Variants in GZMB observed in about 807,000 individuals in gnomAD.
GZMB encodes T-cell serine protease 1-3E.
A neutral mutation model predicts 24.2 loss-of-function variants in GZMB; 27 were observed. The observed-to-expected ratio is 1.12, with a 90% CI of 0.82 to 1.54. The LOEUF (loss-of-function observed/expected upper bound fraction) is 1.54, where lower values mean the gene tolerates loss of function less well. Ranked by LOEUF, GZMB falls within the 40% of genes most tolerant of loss-of-function variation. The probability of loss-of-function intolerance (pLI) is 0.00; values close to 1 mark genes in which losing one functional copy is unlikely to be tolerated. For missense variants in GZMB, 336 were observed against 310.1 expected, an observed-to-expected ratio of 1.08 and a Z score of -0.63; for synonymous variants, 121 against 115.1, an observed-to-expected ratio of 1.05 and a Z score of -0.33.
chr14:24,633,961 T>C (rs1199787118), intron 1 of GZMB, 145 bp downstream of exon 1: 1 of 773,052 alleles, frequency 1.3e-6, no homozygotes, highest in Non-Finnish European at 2.3e-6. Flanking sequence ...TGATAGCTTA[T>C]CCAGCATCAC....
At chr14:24,632,819 T>C in intron 2 of GZMB, 96 bp downstream of exon 2, 3 of 1,247,480 alleles carry the variant, frequency 2.4e-6, no homozygotes, top group South Asian at 2.4e-5. Context: ...CCTCCTGGCA[T>C]GTGTGTTCAC....
rs768680523 is a variant in GZMB at position 24,631,535 on chromosome 14, G to T, written c.601-321C>A. On this transcript the variant is annotated intron_variant, in intron 4 of 4. Transcript: ENST00000216341. ...CATGGAGGACCAGCCCATTAACCACGTTGGGTACCAGCCTCTGAAGACACA... is the reference window on the plus strand; with the variant it reads ...CATGGAGGACCAGCCCATTAACCACTTTGGGTACCAGCCTCTGAAGACACA... 2.9e-5 allele frequency: 16 copies of T among 543,074 alleles called. No individual in the cohort carries two copies. In the Admixed American group the frequency reaches 4.9e-4, roughly 17 times the overall value. 33.6% of individuals were successfully genotyped at this position (543,074 alleles called of 1,614,324 possible). A position where few individuals can be genotyped will look rare whatever the true frequency, so the allele number is the denominator to read the frequency against.
rs921781109 is a variant in GZMB at position 24,633,154 on chromosome 14, G to A, written c.56-92C>T. On this transcript the variant is annotated intron_variant, in intron 1 of 4. Coordinates refer to ENST00000216341, the MANE Select transcript of GZMB (RefSeq NM_004131.6). ...CTCCAGAACTCCTGGGCATTTGGGA[G>A]CCTGGGATAGCCTGGAGTTGGGAGT... The A allele has an allele frequency of 1.1e-5, 17 of 1,493,868 alleles. No homozygotes were observed. In the African/African-American group the frequency reaches 1.4e-4, roughly 12 times the overall value. The allele number at this position is 1,493,868 out of a possible 1,614,324, so 92.5% of individuals were successfully genotyped here. A position where few individuals can be genotyped will look rare whatever the true frequency, so the allele number is the denominator to read the frequency against.
At chr14:24,631,282 C>T in intron 4 of GZMB, 68 bp from the exon 5 acceptor site, 1 of 1,464,868 alleles carries the variant, frequency 6.8e-7, no homozygotes, top group Non-Finnish European at 9.4e-7. Context: ...CCATCTCAAG[C>T]CCCCTTTTAG....
chr14:24,633,977 G>A (rs2067020368), intron 1 of GZMB, 129 bp downstream of exon 1: 1 of 829,668 alleles, frequency 1.2e-6, no homozygotes, highest in African/African-American at 1.7e-5. Flanking sequence ...ATCACACTTG[G>A]GGGGTCTTGG....
At chr14:24,632,604 A>T in intron 2 of GZMB, 145 bp from the exon 3 acceptor site, 1 of 1,320,646 alleles carries the variant, frequency 7.6e-7, no homozygotes, top group Non-Finnish European at 1.1e-6. Context: ...GAATTCTGGT[A>T]ATTGCACCAG....
Position 24,632,074 on chromosome 14 carries a change from CCT to C in GZMB, c.382_383del (p.Arg128AlafsTer3). 6.2e-7 allele frequency: 1 copy of C among 1,614,182 alleles called. No homozygotes were observed. Among genetic ancestry groups the C allele is most frequent in the East Asian group, 2.2e-5 (1 of 44,880 alleles). On this transcript the variant is annotated frameshift_variant, in exon 4 of 5. Transcript: ENST00000216341. LOFTEE classifies it high-confidence loss of function. ...TCACCTGGGCCTTGTTGCTAGGTAGCCTGAGGGGCTGCACAGCTCTGGTCCGC... is the reference window on the plus strand; with the variant it reads ...TCACCTGGGCCTTGTTGCTAGGTAGCGAGGGGCTGCACAGCTCTGGTCCGC... ...AKRTRAVQPLRLPSNKAQVKP... is the reference protein window; with the variant it reads ...AKRTRAVQPLXLPSNKAQVKP...
Position 24,634,177 on chromosome 14 carries a change from C to A in GZMB, c.-17G>T, listed in dbSNP as rs1269578862. On this transcript the variant is annotated 5_prime_UTR_variant, in exon 1 of 5. Coordinates refer to ENST00000216341, the MANE Select transcript of GZMB (RefSeq NM_004131.6). ...TGGTTGCATCTTCTCAGGAAGGCTG[C>A]CCTGGTTGGAGCTGCTGTTGTTTCC... 1 of 1,581,860 alleles carries A rather than the reference C, an allele frequency of 6.3e-7. No homozygotes were observed. The highest frequency in any genetic ancestry group is 8.6e-7 in the Non-Finnish European group (1 of 1,164,254).
chr14:24,631,281 GCCC>G, intron 4 of GZMB, 67 bp from the exon 5 acceptor site: 2 of 1,469,508 alleles, frequency 1.4e-6, no homozygotes, highest in South Asian at 2.4e-5. Context: ...TCCATCTCAA[GCCC>G]CCTTTTAGAA....
At chr14:24,632,290 C>G in intron 3 of GZMB, 34 bp downstream of exon 3, 1 of 1,589,970 alleles carries the variant, frequency 6.3e-7, no homozygotes, top group African/African-American at 1.4e-5. Flanking sequence ...CCAACTGGAC[C>G]AAGAAGAGCA....
rs2066993130 is a variant in GZMB, at chr14:24,631,360, G to C, written c.601-146C>G. On this transcript the variant is annotated intron_variant, in intron 4 of 4. Coordinates refer to ENST00000216341, the MANE Select transcript of GZMB (RefSeq NM_004131.6). ...CAGGGCAGGCCGCTGGTGGCCCCCA[G>C]CTGCCAAGCTCTGGCCCTGGACATT... 7.7e-6 allele frequency: 5 copies of C among 651,938 alleles called. 1 individual carries two copies. In the Admixed American group the frequency reaches 1.2e-4, roughly 15 times the overall value. 40.4% of individuals were successfully genotyped at this position (651,938 alleles called of 1,614,324 possible). A position where few individuals can be genotyped will look rare whatever the true frequency, so the allele number is the denominator to read the frequency against.
intron 3 of GZMB, 61 bp downstream of exon 3, chr14:24,632,263 T>C: frequency 6.4e-7 from 1 of 1,554,760 alleles, no homozygotes; most frequent in Non-Finnish European, 8.8e-7. Flanking sequence ...AGGGCCGGCA[T>C]TCCAGGGGGA....
In GZMB at chr14:24,631,887, C is replaced by A; in HGVS notation, c.571G>T (p.Asp191Tyr). ...YDSTIELCVG[D>Y]PEIKKTSFKG... is the part of the protein sequence containing the mutation. ...AAGGAAGTCTTTTTAATCTCTGGGT[C>A]CCCCACGCACAACTCAATGGTACTG... Residue 191 changes from aspartate (D) to tyrosine (Y), a missense_variant, in exon 4 of 5, where the codon GAC becomes TAC. Physicochemically the swap from Asp to Tyr is radical, Grantham distance 160. Coordinates refer to ENST00000216341, the MANE Select transcript of GZMB (RefSeq NM_004131.6). 1 of 1,613,696 alleles carries A rather than the reference C, an allele frequency of 6.2e-7. No homozygotes were observed. The highest frequency in any genetic ancestry group is 8.5e-7 in the Non-Finnish European group (1 of 1,179,590).
intron 2 of GZMB, 195 bp from the exon 3 acceptor site, chr14:24,632,654 A>G: frequency 1.1e-6 from 1 of 913,674 alleles, no homozygotes; most frequent in Non-Finnish European, 1.7e-6. Flanking sequence ...CACAGGTGGA[A>G]TTGCTTCAGT....
At chr14:24,633,241 C>T (rs2067014650) in intron 1 of GZMB, 179 bp from the exon 2 acceptor site, 1 of 985,116 alleles carries the variant, frequency 1.0e-6, no homozygotes, top group South Asian at 4.7e-5. Flanking sequence ...AGACTTTGGT[C>T]TGTAAATCTT....
chr14:24,634,062 T>A, intron 1 of GZMB, 44 bp downstream of exon 1: 1 of 1,530,874 alleles, frequency 6.5e-7, no homozygotes, highest in Non-Finnish European at 8.9e-7. Context: ...GCAGGAGACC[T>A]GTGGGATGGG....
chr14:24,631,549 T>C (rs776880973), intron 4 of GZMB: 45 of 549,278 alleles, frequency 8.2e-5, no homozygotes, highest in Non-Finnish European at 1.3e-4. Flanking sequence ...GGTACCAGCC[T>C]CTGAAGACAC....
intron 1 of GZMB, among the ~76,000 whole-genome samples, chr14:24,633,758 G>A (rs2067018525): frequency 6.6e-6 from 1 of 152,224 alleles, no homozygotes; most frequent in Non-Finnish European, 1.5e-5. Flanking sequence ...AGTGAGAGAA[G>A]CACCTGTCTT....
intron 4 of GZMB, 120 bp from the exon 5 acceptor site, chr14:24,631,334 G>T (rs2066992826): frequency 2.5e-6 from 2 of 801,482 alleles, no homozygotes; most frequent in Non-Finnish European, 3.9e-6. Flanking sequence ...AGACCAGAGG[G>T]CAGGGCAGGC....
Sources: allele counts gnomAD v4.1 joint callset (sites outside exome capture counted in the v4.1 genomes callset), GRCh38; gene constraint gnomAD v4.1.1; transcripts MANE v1.5; gene names NCBI Gene and HGNC (gene_info 2026-07-23, HGNC 2026-07-21).